Variants in HMX1 observed in about 807,000 individuals in gnomAD.
HMX1 encodes the protein H6 family homeobox 1.
HMX1 carries 8 observed loss-of-function variants against 8.9 expected under a neutral mutation model. The ratio of observed to expected loss-of-function variants is 0.90; its 90% CI spans 0.53 to 1.63. The LOEUF (loss-of-function observed/expected upper bound fraction) is 1.63. Ranked by LOEUF, HMX1 falls within the 40% of genes most tolerant of loss-of-function variation. The pLI is 0.00. For synonymous variants in HMX1, 311 were observed against 283.4 expected, an observed-to-expected ratio of 1.10 and a Z score of -0.98; for missense variants, 621 against 558.5, an observed-to-expected ratio of 1.11 and a Z score of -1.13.
chr4:8,859,857 C>T (rs983112789), intron 1 of HMX1, among the ~76,000 whole-genome samples: 2 of 152,238 alleles, frequency 1.3e-5, no homozygotes, highest in African/African-American at 2.4e-5. Flanking sequence ...GCGGAAGGGC[C>T]ATTCGCCATT....
In HMX1 at chr4:8,854,230, G is replaced by A. The variant is rs924229268; in HGVS notation, c.395-7906C>T. Among the ~76,000 whole-genome samples the A allele has an allele frequency of 6.6e-5, 10 of 152,302 alleles. 1 individual carries two copies. Among genetic ancestry groups the A allele is most frequent in the Admixed American group, 2.0e-4 (3 of 15,300 alleles). ...TCCAGGGAAGTGCTCAGGGGCTGTC[G>A]GCCACCCCTGGAGGGTAACAGCTGT... On this transcript the variant is annotated intron_variant, in intron 1 of 1. Coordinates refer to the HMX1 transcript ENST00000506970.
intron 1 of HMX1, among the ~76,000 whole-genome samples, chr4:8,857,376 C>T (rs1230028788): frequency 6.6e-6 from 1 of 152,162 alleles, no homozygotes; most frequent in Admixed American, 6.5e-5. Flanking sequence ...GTGGGGCCCC[C>T]TCCCCAGGTA....
intron 1 of HMX1, chr4:8,846,452 A>C: frequency 2.9e-6 from 2 of 683,280 alleles, no homozygotes; most frequent in South Asian, 3.9e-5. Context: ...GTGGTCTCCA[A>C]ACTACAGGGA....
At chr4:8,857,581 C>CG (rs1188746840) in intron 1 of HMX1, among the ~76,000 whole-genome samples, 1 of 152,194 alleles carries the variant, frequency 6.6e-6, no homozygotes, top group Non-Finnish European at 1.5e-5. Flanking sequence ...CGCACCCCCC[C>CG]GCCCCCCTGC....
downstream of HMX1, among the ~76,000 whole-genome samples, chr4:8,866,812 C>T (rs1722013277): frequency 6.6e-6 from 1 of 152,236 alleles, no homozygotes; most frequent in South Asian, 2.1e-4. Context: ...ACTTGGGACA[C>T]ACCATCATCA....
chr4:8,866,700 C>T (rs543632584), downstream of HMX1, among the ~76,000 whole-genome samples: 77 of 152,346 alleles, frequency 5.1e-4, 1 homozygote, highest in East Asian at 0.012. Context: ...GCTGTGCACA[C>T]GGGGCGCCAC....
At chr4:8,846,141 C>G in exon 2 of HMX1, 1 of 838,930 alleles carries the variant, frequency 1.2e-6, no homozygotes, top group Non-Finnish European at 1.9e-6. Context: ...CACTGCTCCA[C>G]GCGGTCACTC....
At chr4:8,869,499 G>A (rs1312148769) in intron 1 of HMX1, among the ~76,000 whole-genome samples, 1 of 152,244 alleles carries the variant, frequency 6.6e-6, no homozygotes, top group Non-Finnish European at 1.5e-5. Flanking sequence ...TGTGCCTGCA[G>A]TGTATTTGCA....
At chr4:8,854,910 A>C (rs1721562994) in intron 1 of HMX1, among the ~76,000 whole-genome samples, 1 of 152,228 alleles carries the variant, frequency 6.6e-6, no homozygotes, top group Admixed American at 6.5e-5. Context: ...GAAGCGTGCA[A>C]AACAATTTCA....
Position 8,868,099 on chromosome 4 carries a change from T to A in HMX1, c.641A>T (p.Gln214Leu). Residue 214 changes from glutamine (Q) to leucine (L), a missense_variant, in exon 2 of 2, where the codon CAG (glutamine) becomes CTG (leucine). Coordinates refer to ENST00000400677, the MANE Select transcript of HMX1 (RefSeq NM_018942.3). This position sits in a 1 kb window ranked among gnomAD's most constrained non-coding sequence, Gnocchi z 4.6. Reference sequence around the variant, plus strand: ...GAAGGTGGATTCCAGCTGGAAGACCTGGCTGCGGGAGAAGACTGTGCGCGT... The same window carrying A: ...GAAGGTGGATTCCAGCTGGAAGACCAGGCTGCGGGAGAAGACTGTGCGCGT... The part of the protein sequence containing the change: ...KKTRTVFSRS[Q>L]VFQLESTFDL... 1 of 1,516,086 alleles carries A rather than the reference T, an allele frequency of 6.6e-7. No homozygotes were observed. Among genetic ancestry groups the A allele is most frequent in the Non-Finnish European group, 8.8e-7 (1 of 1,134,118 alleles). The allele number at this position is 1,516,086 out of a possible 1,614,324, so 93.9% of individuals were successfully genotyped here. A position where few individuals can be genotyped will look rare whatever the true frequency, so the allele number is the denominator to read the frequency against.
chr4:8,861,095 C>G (rs1444307056), intron 1 of HMX1, among the ~76,000 whole-genome samples: 1 of 152,084 alleles, frequency 6.6e-6, no homozygotes, highest in Non-Finnish European at 1.5e-5. Flanking sequence ...TCCGCGGGGT[C>G]CCGGACACAG....
chr4:8,864,225 G>A (rs1232009072), downstream of HMX1, among the ~76,000 whole-genome samples: 1 of 152,218 alleles, frequency 6.6e-6, no homozygotes, highest in Non-Finnish European at 1.5e-5. Flanking sequence ...ATAGGTGTGC[G>A]GTGGGGAAAC....
intron 1 of HMX1, among the ~76,000 whole-genome samples, chr4:8,869,021 G>A (rs1469308313): frequency 6.6e-6 from 1 of 152,184 alleles, no homozygotes; most frequent in Non-Finnish European, 1.5e-5. Context: ...CCCTGACCCA[G>A]TGTCCACAAG....
downstream of HMX1, among the ~76,000 whole-genome samples, chr4:8,864,407 G>A (rs1348731947): frequency 1.3e-5 from 2 of 152,216 alleles, no homozygotes; most frequent in Non-Finnish European, 2.9e-5. Context: ...CTCAGGTGCG[G>A]AGAGGGTGAG....
chr4:8,846,671 T>G (rs536605531), intron 1 of HMX1, among the ~76,000 whole-genome samples: 1 of 151,854 alleles, frequency 6.6e-6, no homozygotes, highest in African/African-American at 2.4e-5. Context: ...CCTCTCACAC[T>G]CCCCTGCAAA....
At chr4:8,855,862 G>A (rs1396010877) in intron 1 of HMX1, among the ~76,000 whole-genome samples, 1 of 152,158 alleles carries the variant, frequency 6.6e-6, no homozygotes, top group Non-Finnish European at 1.5e-5. Context: ...CTGAAAGCAG[G>A]ATCCAGCGGG....
intron 1 of HMX1, among the ~76,000 whole-genome samples, chr4:8,860,273 C>A (rs1173809007): frequency 6.6e-6 from 1 of 152,220 alleles, no homozygotes; most frequent in Non-Finnish European, 1.5e-5. Context: ...CTGCAGGAGT[C>A]CGGGCACAGG....
chr4:8,849,099 C>T lies in HMX1; in HGVS notation c.395-2775G>A, dbSNP rs1321294739. Among the ~76,000 whole-genome samples the T allele has an allele frequency of 6.6e-6, 1 of 151,982 alleles. No homozygotes were observed. The highest frequency in any genetic ancestry group is 1.5e-5 in the Non-Finnish European group (1 of 68,004). ...TCGTGGACGTCTTCTCTCAGAGCCTCGATTTTCCCATCTGTGAAACGGGGG... is the reference window on the plus strand; with the variant it reads ...TCGTGGACGTCTTCTCTCAGAGCCTTGATTTTCCCATCTGTGAAACGGGGG... On this transcript the variant is annotated intron_variant, in intron 1 of 1. Coordinates refer to the HMX1 transcript ENST00000506970. This position sits in a 1 kb window ranked among gnomAD's most constrained non-coding sequence, Gnocchi z 6.6.
intron 1 of HMX1, among the ~76,000 whole-genome samples, chr4:8,861,125 G>A (rs1047330460): frequency 6.6e-6 from 1 of 152,240 alleles, no homozygotes; most frequent in Non-Finnish European, 1.5e-5. Context: ...CGCCACTGTC[G>A]GGGTTCCGTT....
Sources: gnomAD v4.1 joint callset for allele counts (sites outside exome capture counted in the v4.1 genomes callset) on GRCh38, gnomAD v4.1.1 for gene constraint, Gnocchi (gnomAD v3.1) non-coding constraint, MANE v1.5 for transcripts, NCBI Gene and HGNC (gene_info 2026-07-23, HGNC 2026-07-21) for gene names.